CACNA2D3: variants seen among roughly 807,000 people sequenced by gnomAD.
The protein encoded by CACNA2D3 is voltage-dependent calcium channel subunit alpha-2/delta-3.
A neutral mutation model predicts 160.6 loss-of-function variants in CACNA2D3; 60 were observed. That is an observed-to-expected ratio of 0.37 (90% CI 0.30 to 0.46). The LOEUF is 0.46. Among genes scored for constraint, CACNA2D3 ranks in the 20% least tolerant of loss-of-function variants. CACNA2D3 has a pLI of 1.00. For missense variants in CACNA2D3, 1,205 were observed against 1,365.0 expected (o/e 0.88, Z 1.85); for synonymous variants, 558 against 492.9 (o/e 1.13, Z -1.75).
chr3:54,795,173 G>A (rs1702842601), intron 13 of CACNA2D3, among the ~76,000 whole-genome samples: 1 of 151,812 alleles, frequency 6.6e-6, no homozygotes, highest in African/African-American at 2.4e-5. Context: ...TCCTTTGTTA[G>A]ACCCATACAG....
chr3:54,660,512 G>T (rs1378679462), intron 11 of CACNA2D3, among the ~76,000 whole-genome samples: 1 of 152,100 alleles, frequency 6.6e-6, no homozygotes, highest in Non-Finnish European at 1.5e-5. Context: ...CCTCATAAAT[G>T]AAGCTCCTTC....
intron 2 of CACNA2D3, among the ~76,000 whole-genome samples, chr3:54,222,379 A>G (rs1701591417): frequency 6.6e-6 from 1 of 152,204 alleles, no homozygotes; most frequent in African/African-American, 2.4e-5. Flanking sequence ...AATGTCCTGA[A>G]GGCAGGAATA....
At chr3:54,765,075 CTCCAG>C (rs1264327467) in intron 13 of CACNA2D3, among the ~76,000 whole-genome samples, 1 of 152,172 alleles carries the variant, frequency 6.6e-6, no homozygotes, top group Non-Finnish European at 1.5e-5. Context: ...CAGGGCCTCT[CTCCAG>C]TCATTTTTGT....
At chr3:54,918,873 G>A in intron 27 of CACNA2D3, 3 of 1,548,554 alleles carry the variant, frequency 1.9e-6, no homozygotes, top group Non-Finnish European at 2.6e-6. Flanking sequence ...ATTCACAGAT[G>A]ATGCCGTCTG....
intron 35 of CACNA2D3, among the ~76,000 whole-genome samples, chr3:55,032,608 C>T (rs1396825293): frequency 6.6e-6 from 1 of 152,150 alleles, no homozygotes; most frequent in Non-Finnish European, 1.5e-5. Context: ...ATCTCAATGC[C>T]ATCAGTTCCT....
intron 13 of CACNA2D3, among the ~76,000 whole-genome samples, chr3:54,796,329 C>A (rs1412001233): frequency 6.6e-6 from 1 of 152,132 alleles, no homozygotes; most frequent in Non-Finnish European, 1.5e-5. Context: ...AGGGGGCTTT[C>A]TGTGAGCATG....
chr3:54,312,268 C>T (rs895138574), intron 2 of CACNA2D3, among the ~76,000 whole-genome samples: 9 of 152,138 alleles, frequency 5.9e-5, no homozygotes, highest in African/African-American at 1.7e-4. Flanking sequence ...TTAATTATGT[C>T]GACTCTAGAG....
intron 11 of CACNA2D3, among the ~76,000 whole-genome samples, chr3:54,749,728 T>G (rs571087780): frequency 6.6e-6 from 1 of 152,346 alleles, no homozygotes; most frequent in Non-Finnish European, 1.5e-5. Context: ...TAGGCAGACA[T>G]GCAACAAGTC....
intron 5 of CACNA2D3, among the ~76,000 whole-genome samples, chr3:54,522,032 A>G (rs1352819121): frequency 6.6e-6 from 1 of 152,220 alleles, no homozygotes; most frequent in African/African-American, 2.4e-5. Flanking sequence ...GGTCCCTTGC[A>G]ATTCTACATG....
chr3:54,486,065 C>T (rs1037599383), intron 4 of CACNA2D3, among the ~76,000 whole-genome samples: 1 of 152,138 alleles, frequency 6.6e-6, no homozygotes, highest in Non-Finnish European at 1.5e-5. Flanking sequence ...AAGACATAGA[C>T]AGGGAGAAGC....
intron 27 of CACNA2D3, among the ~76,000 whole-genome samples, chr3:54,932,349 A>G (rs912738193): frequency 5.9e-5 from 9 of 152,166 alleles, no homozygotes; most frequent in Non-Finnish European, 1.3e-4. Context: ...AACCCTATAA[A>G]TACGCGTTGG....
chr3:54,583,922 T>C (rs1236184669), intron 9 of CACNA2D3, among the ~76,000 whole-genome samples: 3 of 145,670 alleles, frequency 2.1e-5, no homozygotes, highest in Non-Finnish European at 4.5e-5. Context: ...AAAAAGAAAG[T>C]CCCAGAAAAT....
intron 24 of CACNA2D3, among the ~76,000 whole-genome samples, chr3:54,888,351 C>T (rs1699976068): frequency 6.6e-6 from 1 of 152,128 alleles, no homozygotes; most frequent in Non-Finnish European, 1.5e-5. Flanking sequence ...CCTGCCTCGC[C>T]ACAGCTCTCT....
chr3:54,463,598 C>G (rs141617757), intron 4 of CACNA2D3, among the ~76,000 whole-genome samples: 1 of 151,854 alleles, frequency 6.6e-6, no homozygotes, highest in Non-Finnish European at 1.5e-5. Flanking sequence ...CTTCACAGTT[C>G]TCGAGCCTTG....
intron 2 of CACNA2D3, among the ~76,000 whole-genome samples, chr3:54,140,138 T>G (rs1436682657): frequency 6.6e-6 from 1 of 152,362 alleles, no homozygotes; most frequent in African/African-American, 2.4e-5. Context: ...ATTCAGTGAA[T>G]GGGCAGCAAC....
At chr3:54,320,590 C>A in intron 3 of CACNA2D3, 32 bp downstream of exon 3, 2 of 1,274,392 alleles carry the variant, frequency 1.6e-6, no homozygotes, top group Non-Finnish European at 2.2e-6. Context: ...CCTGTATCGC[C>A]TGAAGGCACA....
chr3:54,758,244 C>T (rs1231574503), intron 12 of CACNA2D3, among the ~76,000 whole-genome samples: 4 of 152,184 alleles, frequency 2.6e-5, no homozygotes, highest in Admixed American at 2.6e-4. Context: ...TCCTATTTCC[C>T]CAGTGTGTAC....
At chr3:54,577,225 T>G (rs1167457999) in intron 8 of CACNA2D3, among the ~76,000 whole-genome samples, 1 of 152,168 alleles carries the variant, frequency 6.6e-6, no homozygotes, top group African/African-American at 2.4e-5. Flanking sequence ...AGGGTAATAT[T>G]CAGTGAGCAA....
chr3:54,533,255 T>G (rs1243254038), intron 5 of CACNA2D3, among the ~76,000 whole-genome samples: 1 of 152,148 alleles, frequency 6.6e-6, no homozygotes, highest in Non-Finnish European at 1.5e-5. Context: ...GTTTACTTTC[T>G]TGCATTGTTC....
Sources: allele counts gnomAD v4.1 joint callset (sites outside exome capture counted in the v4.1 genomes callset), GRCh38; gene constraint gnomAD v4.1.1; transcripts MANE v1.5; gene names NCBI Gene and HGNC (gene_info 2026-07-23, HGNC 2026-07-21).